The following PRG4 variants were observed in gnomAD, a reference collection of about 807,000 sequenced individuals.
PRG4 encodes the protein articular superficial zone protein.
A neutral mutation model predicts 91.2 loss-of-function variants in PRG4; 61 were observed. That is an observed-to-expected ratio of 0.67 (90% CI 0.54 to 0.83). The LOEUF (loss-of-function observed/expected upper bound fraction) is 0.83, where lower values mean the gene tolerates loss of function less well. Among genes scored for constraint, PRG4 ranks in the 40% least tolerant of loss-of-function variants. PRG4 has a pLI of 0.00. For synonymous variants in PRG4, 576 were observed against 614.2 expected, an observed-to-expected ratio of 0.94 and a Z score of 0.92; for missense variants, 1,564 against 1,714.2, an observed-to-expected ratio of 0.91 and a Z score of 1.55.
At position 186,312,792 on chromosome 1, in the gene PRG4, G is replaced by A. The variant is rs370271535; in HGVS notation, c.4015G>A (p.Val1339Met). 4.6e-5 allele frequency: 75 copies of A among 1,612,980 alleles called. 2 individuals carry two copies. Among genetic ancestry groups the A allele is most frequent in the East Asian group, 2.9e-4 (13 of 44,840 alleles). The stretch of plus-strand genomic sequence containing the variant: ...AGGTGTCCTTCATAATGAAGTTAAA[G>A]TGAGTATACTGTGGAGAGGACTTCC... Reference protein sequence around the residue: ...DKGVLHNEVKVSILWRGLPNV... With the variant: ...DKGVLHNEVKMSILWRGLPNV... The change falls in exon 12 of 13, where the codon GTG (valine) becomes ATG (methionine). Residue 1339 changes from valine to methionine, a missense_variant. Around this residue, in one of 3 missense-constraint regions of PRG4, gnomAD observed 1,079 missense variants for 1,162.2 expected, o/e 0.93. Coordinates refer to ENST00000445192, the MANE Select transcript of PRG4 (RefSeq NM_005807.6).
chr1:186,306,792 C>T lies in PRG4; in HGVS notation c.1073C>T (p.Pro358Leu), dbSNP rs1359590547. ...CCCACGCCCACCACTCCCAAGGAGC[C>T]TGCATCTACCACACCCAAAGAGCCC... ...KEPTPTTPKE[P>L]ASTTPKEPTP... is the part of the protein sequence containing the mutation. Residue 358 changes from proline to leucine, a missense_variant, in exon 7 of 13, where the codon CCT (proline) becomes CTT (leucine). Physicochemically the swap from Pro to Leu is moderately conservative, Grantham distance 98. Around this residue, in one of 3 missense-constraint regions of PRG4, gnomAD observed 437 missense variants for 459.0 expected, o/e 0.95. Transcript: ENST00000445192. 2 of 1,612,950 alleles carry T rather than the reference C, an allele frequency of 1.2e-6. No homozygotes were observed. Among genetic ancestry groups the T allele is most frequent in the South Asian group, 2.2e-5 (2 of 91,044 alleles).
intron 3 of PRG4, among the ~76,000 whole-genome samples, chr1:186,301,287 C>T (rs7556543): frequency 0.19 from 28,207 of 152,126 alleles, 2,959 homozygotes; most frequent in African/African-American, 0.28. Context: ...ATCTCACTAT[C>T]TAGACATTTC....
chr1:186,303,419 G>A (rs1441060977), intron 4 of PRG4, among the ~76,000 whole-genome samples: 1 of 142,096 alleles, frequency 7.0e-6, no homozygotes, highest in Non-Finnish European at 1.5e-5. Context: ...CCCCAGTGCT[G>A]TTTTCTTATC....
In PRG4 at chr1:186,308,615, C is replaced by G; in HGVS notation, c.2896C>G (p.Gln966Glu). 1 of 1,613,420 alleles carries G rather than the reference C, an allele frequency of 6.2e-7. No individual in the cohort carries two copies. Among genetic ancestry groups the G allele is most frequent in the Non-Finnish European group, 8.5e-7 (1 of 1,179,942 alleles). ...CACACAAGTAACATCTACCACAACTCAAGATACCACACCATTCAAAATTAC... is the reference window on the plus strand; with the variant it reads ...CACACAAGTAACATCTACCACAACTGAAGATACCACACCATTCAAAATTAC... ...TTTQVTSTTT[Q>E]DTTPFKITTL... Residue 966 changes from glutamine (Q) to glutamate (E), a missense_variant, in exon 7 of 13, where the codon CAA (glutamine) becomes GAA (glutamate). Gln to Glu is a conservative substitution (Grantham distance 29). Around this residue, in one of 3 missense-constraint regions of PRG4, gnomAD observed 1,079 missense variants for 1,162.2 expected, o/e 0.93. Coordinates refer to ENST00000445192, the MANE Select transcript of PRG4 (RefSeq NM_005807.6).
At chr1:186,311,626 A>G (rs1657244869) in intron 10 of PRG4, 30 bp downstream of exon 10, 34 of 1,599,030 alleles carry the variant, frequency 2.1e-5, no homozygotes, top group Non-Finnish European at 2.4e-5. Flanking sequence ...CAAGATTACA[A>G]AACTTTTAAA....
At chr1:186,300,702 A>G (rs1439342451) in intron 3 of PRG4, among the ~76,000 whole-genome samples, 1 of 152,184 alleles carries the variant, frequency 6.6e-6, no homozygotes, top group Admixed American at 6.5e-5. Context: ...CCTGGAAAAG[A>G]CACTTTAAAG....
At chr1:186,311,780 C>T (rs1657259367) in intron 10 of PRG4, 184 bp downstream of exon 10, 3 of 666,220 alleles carry the variant, frequency 4.5e-6, no homozygotes, top group Non-Finnish European at 5.0e-6. Context: ...CATTTCTTCA[C>T]AGGCAAGTCA....
chr1:186,313,438 A>G, intron 12 of PRG4: 1 of 469,554 alleles, frequency 2.1e-6, no homozygotes, highest in Non-Finnish European at 3.8e-6. Flanking sequence ...TGTTTACTTC[A>G]TAAAGGAGAG....
At chr1:186,297,801 C>T (rs1007089152) in intron 2 of PRG4, among the ~76,000 whole-genome samples, 5 of 151,918 alleles carry the variant, frequency 3.3e-5, no homozygotes, top group African/African-American at 7.3e-5. Context: ...CAGTAAAATA[C>T]GAGATTCTTA....
At chr1:186,297,052 G>A in intron 2 of PRG4, 101 bp downstream of exon 2, 2 of 1,088,282 alleles carry the variant, frequency 1.8e-6, no homozygotes, top group Non-Finnish European at 2.7e-6. Flanking sequence ...ATTTATATTT[G>A]CTTGAGTTTA....
Position 186,313,708 on chromosome 1 carries a change from G to A in PRG4, c.4145G>A (p.Ser1382Asn), listed in dbSNP as rs201249270. 5.9e-5 allele frequency: 95 copies of A among 1,607,642 alleles called. No homozygotes were observed. The highest frequency in any genetic ancestry group is 7.1e-5 in the Non-Finnish European group (83 of 1,174,428). ...CAATACTATAACATTGATGTGCCTAGTAGAACAGCAAGAGCAATTACTACT... is the reference window on the plus strand; with the variant it reads ...CAATACTATAACATTGATGTGCCTAATAGAACAGCAAGAGCAATTACTACT... ...KDQYYNIDVP[S>N]RTARAITTRS... Residue 1382 changes from serine (S) to asparagine (N), a missense_variant, in exon 13 of 13, where the codon AGT becomes AAT. Physicochemically the swap from Ser to Asn is conservative, Grantham distance 46. This residue lies in a region of PRG4 where 1,079 missense variants were observed against 1,162.2 expected (regional missense o/e 0.93). Transcript: ENST00000445192.
chr1:186,305,515 T>C (rs1045939524), intron 6 of PRG4, among the ~76,000 whole-genome samples: 1 of 152,254 alleles, frequency 6.6e-6, no homozygotes, highest in Admixed American at 6.5e-5. Flanking sequence ...CCTGAAGTTC[T>C]GGTTCTAAAT....
Position 186,308,769 on chromosome 1 carries a change from C to T in PRG4, c.3050C>T (p.Thr1017Ile), listed in dbSNP as rs755494248. 3.1e-6 allele frequency: 5 copies of T among 1,613,828 alleles called. No individual in the cohort carries two copies. Among genetic ancestry groups the T allele is most frequent in the African/African-American group, 1.3e-5 (1 of 75,010 alleles). The change falls in exon 7 of 13, where the codon ACA becomes ATA. Residue 1017 changes from threonine (T) to isoleucine (I), a missense_variant. Coordinates refer to ENST00000445192, the MANE Select transcript of PRG4 (RefSeq NM_005807.6). The part of the protein sequence containing the change: ...PKDRATNSKA[T>I]TPKPQKPTKA... ...GACAGAGCTACTAATTCTAAAGCGA[C>T]AACTCCTAAACCTCAAAAGCCAACC...
At chr1:186,310,240 A>T (rs958284315) in intron 8 of PRG4, among the ~76,000 whole-genome samples, 1 of 152,088 alleles carries the variant, frequency 6.6e-6, no homozygotes, top group Non-Finnish European at 1.5e-5. Context: ...TGAAAATAAC[A>T]TCTCAATTGT....
In PRG4 at chr1:186,314,481, T is replaced by G; in HGVS notation, c.*703T>G. On this transcript the variant is annotated 3_prime_UTR_variant, in exon 13 of 13. Transcript: ENST00000445192. ...ATCTGTCTACATGAAGTTTACAGAT[T>G]GGTAAATATCACCTGCTCAACATGT... 1 of 515,306 alleles carries G rather than the reference T, an allele frequency of 1.9e-6. No individual in the cohort carries two copies. Among genetic ancestry groups the G allele is most frequent in the Non-Finnish European group, 3.3e-6 (1 of 298,986 alleles). 31.9% of individuals were successfully genotyped at this position (515,306 alleles called of 1,614,324 possible).
At chr1:186,311,750 T>C (rs1020968821) in intron 10 of PRG4, 154 bp downstream of exon 10, 2 of 778,924 alleles carry the variant, frequency 2.6e-6, no homozygotes, top group Non-Finnish European at 4.0e-6. Flanking sequence ...AGTATTCTTA[T>C]TGCCCTCAAT....
At chr1:186,312,071 GA>G in intron 10 of PRG4, 103 bp from the exon 11 acceptor site, 1 of 902,966 alleles carries the variant, frequency 1.1e-6, no homozygotes, top group South Asian at 1.5e-5. Flanking sequence ...TATGAAAAAT[GA>G]GAACAAAACT....
At position 186,308,381 on chromosome 1, in the gene PRG4, G is replaced by A. The variant is rs2102028339; in HGVS notation, c.2662G>A (p.Ala888Thr). 1.2e-6 allele frequency: 2 copies of A among 1,613,886 alleles called. No individual in the cohort carries two copies. The highest frequency in any genetic ancestry group is 1.7e-6 in the Non-Finnish European group (2 of 1,180,032). ...PELSAEPTPKALENSPKEPGV... is the reference protein window; with the variant it reads ...PELSAEPTPKTLENSPKEPGV... ...GCTTTCTGCAGAACCCACACCAAAAGCTCTTGAAAACAGTCCCAAGGAACC... is the reference window on the plus strand; with the variant it reads ...GCTTTCTGCAGAACCCACACCAAAAACTCTTGAAAACAGTCCCAAGGAACC... Residue 888 changes from alanine to threonine, a missense_variant, in exon 7 of 13, where the codon GCT becomes ACT. By Grantham distance (58) the Ala-to-Thr change is moderately conservative (BLOSUM62 0). This residue lies in a region of PRG4 where 1,079 missense variants were observed against 1,162.2 expected (regional missense o/e 0.93). Transcript: ENST00000445192.
Position 186,312,265 on chromosome 1 carries a change from A to T in PRG4, c.3884A>T (p.Glu1295Val). 2 of 1,614,078 alleles carry T rather than the reference A, an allele frequency of 1.2e-6. No homozygotes were observed. Among genetic ancestry groups the T allele is most frequent in the Non-Finnish European group, 1.7e-6 (2 of 1,179,952 alleles). Residue 1295 changes from glutamate to valine, a missense_variant, in exon 11 of 13, where the codon GAA (glutamate) becomes GTA (valine). Glu to Val is a moderately radical substitution (Grantham distance 121). Around this residue, in one of 3 missense-constraint regions of PRG4, gnomAD observed 1,079 missense variants for 1,162.2 expected, o/e 0.93. Transcript: ENST00000445192. ...GCTCTAAATTATCCAGTGTATGGAG[A>T]AACGACACAGGTTAGGAGACGTCGC... Reference protein sequence around the residue: ...RPALNYPVYGETTQVRRRRFE... With the variant: ...RPALNYPVYGVTTQVRRRRFE...
Sources: gnomAD v4.1 joint callset for allele counts (sites outside exome capture counted in the v4.1 genomes callset) on GRCh38, gnomAD v4.1.1 for gene constraint, gnomAD v4.1.1 regional missense constraint, MANE v1.5 for transcripts, NCBI Gene and HGNC (gene_info 2026-07-23, HGNC 2026-07-21) for gene names.